GMDS: variants seen among roughly 807,000 people sequenced by gnomAD.
GMDS encodes the protein GDP-mannose 4,6 dehydratase.
GMDS carries 20 observed loss-of-function variants against 49.9 expected under a neutral mutation model. The observed-to-expected ratio is 0.40, with a 90% CI of 0.28 to 0.58. The LOEUF (loss-of-function observed/expected upper bound fraction) is 0.58, where lower values mean the gene tolerates loss of function less well. Ranked by LOEUF, GMDS falls within the 20% of genes least tolerant of loss-of-function variation. The pLI is 0.42. For synonymous variants in GMDS, 177 were observed against 178.6 expected (o/e 0.99, Z 0.07); for missense variants, 362 against 481.4 (o/e 0.75, Z 2.32).
intron 4 of GMDS, among the ~76,000 whole-genome samples, chr6:1,962,054 T>G (rs1358245029): frequency 3.3e-5 from 5 of 152,242 alleles, no homozygotes; most frequent in Non-Finnish European, 7.3e-5. Flanking sequence ...CTGTTATTTT[T>G]ATTCTTTTCT....
chr6:1,626,795 G>A (rs985062132), intron 9 of GMDS, among the ~76,000 whole-genome samples: 3 of 152,180 alleles, frequency 2.0e-5, no homozygotes, highest in African/African-American at 7.2e-5. Context: ...TATGTTTCCT[G>A]TAGTTTTCTA....
At chr6:2,184,407 CTT>C (rs977220408) in intron 1 of GMDS, among the ~76,000 whole-genome samples, 2 of 152,204 alleles carry the variant, frequency 1.3e-5, no homozygotes, top group Admixed American at 6.5e-5. Flanking sequence ...CCCCACCTCT[CTT>C]AACGATTCTC....
chr6:2,127,059 A>C (rs1181411807), intron 1 of GMDS, among the ~76,000 whole-genome samples: 1 of 152,166 alleles, frequency 6.6e-6, no homozygotes, highest in Admixed American at 6.5e-5. Flanking sequence ...TACCGTTTTT[A>C]CATATCTAAA....
At chr6:2,102,058 T>C (rs893080372) in intron 4 of GMDS, among the ~76,000 whole-genome samples, 7 of 152,100 alleles carry the variant, frequency 4.6e-5, no homozygotes, top group Non-Finnish European at 1.5e-5. Context: ...ACTTAAGCTA[T>C]TATTATACTA....
intron 9 of GMDS, among the ~76,000 whole-genome samples, chr6:1,694,034 T>TA (rs1765257422): frequency 6.6e-6 from 1 of 152,250 alleles, no homozygotes; most frequent in Non-Finnish European, 1.5e-5. Context: ...AGACTGTTTT[T>TA]ATTCACTGCA....
intron 4 of GMDS, among the ~76,000 whole-genome samples, chr6:2,015,036 C>G (rs1767803106): frequency 6.6e-6 from 1 of 152,016 alleles, no homozygotes; most frequent in Non-Finnish European, 1.5e-5. Context: ...AGTAAGCACC[C>G]TACAAAAGAA....
chr6:1,640,815 TG>T lies in GMDS; in HGVS notation c.988-16276del, dbSNP rs60214815. 0.13 allele frequency among the ~76,000 whole-genome samples: 19,266 copies of T among 150,656 alleles called. 1,291 individuals carry two copies. The highest frequency in any genetic ancestry group is 0.15 in the Non-Finnish European group (10,223 of 67,628). ...CTCTGATAAAAAGAAAATTGGGTAA[TG>T]GGGGGGGTCACGAATGCCAACACGG... On this transcript the variant is annotated intron_variant, in intron 9 of 10. Coordinates refer to ENST00000380815, the MANE Select transcript of GMDS (RefSeq NM_001500.4). The surrounding 1 kb of genome is among the most constrained non-coding windows in gnomAD (Gnocchi z 4.0).
At chr6:1,852,528 C>A (rs1484890329) in intron 7 of GMDS, among the ~76,000 whole-genome samples, 1 of 152,088 alleles carries the variant, frequency 6.6e-6, no homozygotes, top group Admixed American at 6.5e-5. Flanking sequence ...TTCACTATTT[C>A]TTTTATTTTC....
At chr6:1,673,519 T>G (rs1176668163) in intron 9 of GMDS, among the ~76,000 whole-genome samples, 1 of 152,166 alleles carries the variant, frequency 6.6e-6, no homozygotes, top group African/African-American at 2.4e-5. Context: ...CAGAGTGTTA[T>G]ATTTGTTATA....
chr6:2,135,544 C>T (rs1261387312), intron 1 of GMDS, among the ~76,000 whole-genome samples: 1 of 150,660 alleles, frequency 6.6e-6, no homozygotes, highest in African/African-American at 2.4e-5. Flanking sequence ...GCATTTCCTA[C>T]ATTTGAGTTT....
At chr6:2,134,304 C>T (rs146517475) in intron 1 of GMDS, among the ~76,000 whole-genome samples, 4 of 152,292 alleles carry the variant, frequency 2.6e-5, no homozygotes, top group East Asian at 1.9e-4. Context: ...CCAACAGCAG[C>T]GGGGGCTTAG....
chr6:1,793,140 C>T (rs1325315740), intron 7 of GMDS, among the ~76,000 whole-genome samples: 4 of 152,280 alleles, frequency 2.6e-5, no homozygotes, highest in African/African-American at 4.8e-5. Context: ...TTTCAACAAA[C>T]GACTTCTTCA....
At chr6:1,879,303 C>A (rs930934643) in intron 7 of GMDS, among the ~76,000 whole-genome samples, 1 of 152,098 alleles carries the variant, frequency 6.6e-6, no homozygotes, top group African/African-American at 2.4e-5. Context: ...ATTAAATACG[C>A]TACTAAGAAA....
chr6:1,967,179 C>T (rs1233445959), intron 4 of GMDS, among the ~76,000 whole-genome samples: 1 of 152,164 alleles, frequency 6.6e-6, no homozygotes, highest in Non-Finnish European at 1.5e-5. Context: ...TCCTTATCCA[C>T]CCGTCTTTAT....
intron 7 of GMDS, among the ~76,000 whole-genome samples, chr6:1,780,559 C>T (rs1769035965): frequency 6.6e-6 from 1 of 152,180 alleles, no homozygotes; most frequent in East Asian, 1.9e-4. Context: ...AAACCCTCTC[C>T]TTCCCCTCCT....
intron 7 of GMDS, among the ~76,000 whole-genome samples, chr6:1,924,189 T>G (rs1450756260): frequency 6.6e-6 from 1 of 152,228 alleles, no homozygotes; most frequent in Admixed American, 6.5e-5. Context: ...TGCTTAACAT[T>G]TGGCAATTAC....
intron 9 of GMDS, among the ~76,000 whole-genome samples, chr6:1,657,192 T>C (rs1351234626): frequency 1.3e-5 from 2 of 152,222 alleles, no homozygotes; most frequent in African/African-American, 2.4e-5. Context: ...CTGACAAGCA[T>C]GAAGTCCCTG....
chr6:1,826,313 C>T (rs538741121), intron 7 of GMDS, among the ~76,000 whole-genome samples: 4 of 152,224 alleles, frequency 2.6e-5, no homozygotes, highest in East Asian at 1.9e-4. Flanking sequence ...TGTGGTCTGC[C>T]GCTGACCGAA....
intron 4 of GMDS, among the ~76,000 whole-genome samples, chr6:2,028,845 A>T (rs1768776759): frequency 6.6e-6 from 1 of 152,166 alleles, no homozygotes; most frequent in Non-Finnish European, 1.5e-5. Context: ...AATACTAACG[A>T]CTATATTCCA....
Sources: allele counts gnomAD v4.1 joint callset (sites outside exome capture counted in the v4.1 genomes callset), GRCh38; gene constraint gnomAD v4.1.1; non-coding constraint Gnocchi (gnomAD v3.1); transcripts MANE v1.5; gene names NCBI Gene and HGNC (gene_info 2026-07-23, HGNC 2026-07-21).